FRY: variants seen among roughly 807,000 people sequenced by gnomAD.
FRY encodes the protein protein furry homolog.
FRY carries 128 observed loss-of-function variants against 348.4 expected under a neutral mutation model. The ratio of observed to expected loss-of-function variants is 0.37; its 90% CI spans 0.32 to 0.43. FRY has a LOEUF of 0.43. FRY is among the 20% of genes least tolerant of loss of function. The pLI is 1.00. For synonymous variants in FRY, 1,370 were observed against 1,374.7 expected, an observed-to-expected ratio of 1.00 and a Z score of 0.08; for missense variants, 2,736 against 3,695.2, an observed-to-expected ratio of 0.74 and a Z score of 6.73.
chr13:32,092,179 T>C lies in FRY; in HGVS notation c.271-9784T>C, dbSNP rs368558092. ...AATATCTCTGAGGGCAGTAATACTTTGGATCTTTCTAGATTAGTGAAATCT... is the reference window on the plus strand; with the variant it reads ...AATATCTCTGAGGGCAGTAATACTTCGGATCTTTCTAGATTAGTGAAATCT... On this transcript the variant is annotated intron_variant, in intron 2 of 60. Coordinates refer to ENST00000542859, the MANE Select transcript of FRY (RefSeq NM_023037.3). Among the ~76,000 whole-genome samples, 9 of 152,246 alleles carry C rather than the reference T, an allele frequency of 5.9e-5. No individual in the cohort carries two copies. The East Asian group carries it at 1.3e-3, about 23-fold the overall frequency.
At chr13:32,180,965 A>G (rs1424118955) in intron 23 of FRY, among the ~76,000 whole-genome samples, 1 of 152,032 alleles carries the variant, frequency 6.6e-6, no homozygotes, top group Non-Finnish European at 1.5e-5. Flanking sequence ...ATCTTGGCTC[A>G]CTGCAACCTC....
intron 58 of FRY, among the ~76,000 whole-genome samples, chr13:32,278,900 T>A (rs939452253): frequency 6.6e-6 from 1 of 152,232 alleles, no homozygotes; most frequent in Non-Finnish European, 1.5e-5. Context: ...ATGAAGGAAG[T>A]TTCTCTCAAC....
chr13:32,071,854 T>G (rs1202973250), intron 1 of FRY, among the ~76,000 whole-genome samples: 1 of 152,088 alleles, frequency 6.6e-6, no homozygotes, highest in Admixed American at 6.5e-5. Flanking sequence ...ACTTAAAAAT[T>G]TGGTAAGAGA....
At chr13:32,146,962 T>C (rs1349027633) in intron 11 of FRY, among the ~76,000 whole-genome samples, 1 of 152,182 alleles carries the variant, frequency 6.6e-6, no homozygotes, top group Non-Finnish European at 1.5e-5. Flanking sequence ...GATTCTCATA[T>C]TGGTGCTAAA....
rs144077755 is a variant in FRY, at chr13:32,037,652, A to C, written c.70+5787A>C. On this transcript the variant is annotated intron_variant, in intron 1 of 60. Transcript: ENST00000542859. ...ATGACCCGGATAATTTTACAATCTG[A>C]GAACAGCTGAGACATTTGAGAAAGT... Among the ~76,000 whole-genome samples, 283 of 152,358 alleles carry C rather than the reference A, an allele frequency of 1.9e-3. 5 individuals are homozygous for C. The East Asian group carries it at 0.043, about 23-fold the overall frequency.
chr13:32,178,804 G>A (rs1882524257), intron 21 of FRY, 40 bp from the exon 22 acceptor site: 1 of 1,346,232 alleles, frequency 7.4e-7, no homozygotes, highest in East Asian at 2.3e-5. Context: ...TTAAAATCCA[G>A]AACTTAGTTT....
chr13:32,092,677 A>G (rs952974487), intron 2 of FRY, among the ~76,000 whole-genome samples: 2 of 152,238 alleles, frequency 1.3e-5, no homozygotes, highest in Middle Eastern at 3.2e-3. Context: ...TTGGGACAGC[A>G]GTAGTCTCTG....
intron 1 of FRY, among the ~76,000 whole-genome samples, chr13:32,064,975 C>T (rs1321635005): frequency 6.6e-6 from 1 of 152,202 alleles, no homozygotes; most frequent in Non-Finnish European, 1.5e-5. Context: ...CCTGTAAATA[C>T]TCAGGCCAAC....
intron 46 of FRY, among the ~76,000 whole-genome samples, chr13:32,242,414 A>AT (rs934284421): frequency 2.0e-5 from 3 of 151,988 alleles, no homozygotes; most frequent in African/African-American, 7.2e-5. Flanking sequence ...CATTCCATTT[A>AT]TTTTTTAATT....
At chr13:32,219,762 A>G (rs914690408) in intron 36 of FRY, among the ~76,000 whole-genome samples, 36 of 152,022 alleles carry the variant, frequency 2.4e-4, no homozygotes, top group Non-Finnish European at 4.3e-4. Flanking sequence ...GCGGTTCAAC[A>G]TTTCCACCTA....
intron 58 of FRY, among the ~76,000 whole-genome samples, chr13:32,279,437 G>A (rs946806127): frequency 3.3e-5 from 5 of 152,240 alleles, no homozygotes; most frequent in African/African-American, 1.2e-4. Context: ...GTTGAGAAGA[G>A]TCTGGAGAAG....
At chr13:32,191,101 T>G (rs1883308046) in intron 28 of FRY, among the ~76,000 whole-genome samples, 1 of 152,200 alleles carries the variant, frequency 6.6e-6, no homozygotes, top group Non-Finnish European at 1.5e-5. Flanking sequence ...GTCAATTGGA[T>G]AGCCTTACTA....
At chr13:32,096,722 G>T (rs1220205504) in intron 2 of FRY, among the ~76,000 whole-genome samples, 1 of 140,078 alleles carries the variant, frequency 7.1e-6, no homozygotes, top group African/African-American at 2.7e-5. Flanking sequence ...AGAATCTCTT[G>T]AATGCAGGAG....
intron 57 of FRY, among the ~76,000 whole-genome samples, chr13:32,278,218 G>A (rs1888632376): frequency 1.3e-5 from 2 of 152,026 alleles, no homozygotes; most frequent in South Asian, 2.1e-4. Context: ...ATTCCCTAGG[G>A]CAACACAGTA....
chr13:32,099,816 G>GA (rs946862055), intron 2 of FRY, among the ~76,000 whole-genome samples: 20 of 147,834 alleles, frequency 1.4e-4, no homozygotes, highest in East Asian at 4.0e-4. Context: ...TCTTTGAATT[G>GA]AAAAAAAAAT....
At chr13:32,146,972 A>C (rs1880498282) in intron 11 of FRY, among the ~76,000 whole-genome samples, 1 of 152,228 alleles carries the variant, frequency 6.6e-6, no homozygotes, top group African/African-American at 2.4e-5. Context: ...TTGGTGCTAA[A>C]GAATTTGGGT....
At chr13:32,207,057 C>T (rs949088742) in intron 31 of FRY, among the ~76,000 whole-genome samples, 1 of 152,134 alleles carries the variant, frequency 6.6e-6, no homozygotes, top group African/African-American at 2.4e-5. Flanking sequence ...TACCTGGGTG[C>T]TTGGGATACC....
chr13:32,270,496 G>A (rs550354226), intron 55 of FRY, among the ~76,000 whole-genome samples: 4 of 152,170 alleles, frequency 2.6e-5, no homozygotes, highest in Non-Finnish European at 4.4e-5. Flanking sequence ...CATGCGCCAC[G>A]GCGCCCGACC....
intron 24 of FRY, 72 bp downstream of exon 24, chr13:32,183,106 G>T (rs1882808086): frequency 1.2e-6 from 1 of 864,664 alleles, no homozygotes; most frequent in South Asian, 1.4e-5. Context: ...CAAACCTAGT[G>T]ATTTCCCCTA....
Sources: allele counts gnomAD v4.1 joint callset (sites outside exome capture counted in the v4.1 genomes callset), GRCh38; gene constraint gnomAD v4.1.1; transcripts MANE v1.5; gene names NCBI Gene and HGNC (gene_info 2026-07-23, HGNC 2026-07-21).